Variants in ABCD3 observed in about 807,000 individuals in gnomAD.
The protein encoded by ABCD3 is ATP binding cassette subfamily D member 3.
A neutral mutation model predicts 105.5 loss-of-function variants in ABCD3; 41 were observed. That is an observed-to-expected ratio of 0.39 (90% CI 0.30 to 0.50). The LOEUF (loss-of-function observed/expected upper bound fraction) is 0.50. Ranked by LOEUF, ABCD3 falls within the 20% of genes least tolerant of loss-of-function variation. ABCD3 has a pLI of 0.84. For missense variants in ABCD3, 622 were observed against 806.3 expected, an observed-to-expected ratio of 0.77 and a Z score of 2.77; for synonymous variants, 258 against 269.0, an observed-to-expected ratio of 0.96 and a Z score of 0.40.
intron 2 of ABCD3, among the ~76,000 whole-genome samples, chr1:94,462,919 CTT>C (rs1647949043): frequency 6.6e-6 from 1 of 152,112 alleles, no homozygotes; most frequent in African/African-American, 2.4e-5. Flanking sequence ...TTTCTTTACT[CTT>C]TTCTTCCTAT....
At chr1:94,404,152 T>C in the ABCD3 span, among the ~76,000 whole-genome samples, 7 of 152,202 alleles carry the variant, frequency 4.6e-5, no homozygotes. Context: ...TCCTACTCCA[T>C]AATTTTTTTG....
the ABCD3 span, among the ~76,000 whole-genome samples, chr1:94,402,149 A>G: frequency 6.6e-6 from 1 of 152,136 alleles, no homozygotes; most frequent in Non-Finnish European, 1.5e-5. Flanking sequence ...TTGAAGAGTA[A>G]TGTTTCATTG....
chr1:94,451,561 A>G (rs1419261834), intron 1 of ABCD3, among the ~76,000 whole-genome samples: 2 of 152,216 alleles, frequency 1.3e-5, no homozygotes, highest in East Asian at 1.9e-4. Flanking sequence ...AAGGATTTAT[A>G]TCACTGTATT....
chr1:94,393,572 G>A, the ABCD3 span, among the ~76,000 whole-genome samples: 107 of 152,188 alleles, frequency 7.0e-4, no homozygotes, highest in African/African-American at 2.5e-3. Flanking sequence ...CTGGGAGGAG[G>A]AGGTTGCAGT....
the ABCD3 span, among the ~76,000 whole-genome samples, chr1:94,401,798 G>C: frequency 2.0e-5 from 3 of 152,196 alleles, no homozygotes; most frequent in African/African-American, 7.2e-5. Context: ...TTCATTCATT[G>C]ATTCATTTCT....
intron 21 of ABCD3, among the ~76,000 whole-genome samples, chr1:94,507,163 C>T (rs959241864): frequency 4.6e-5 from 7 of 151,984 alleles, no homozygotes; most frequent in Admixed American, 3.3e-4. Flanking sequence ...ACAACAGTCC[C>T]CAGAGTGTGA....
chr1:94,388,888 T>C, the ABCD3 span, among the ~76,000 whole-genome samples: 1 of 152,188 alleles, frequency 6.6e-6, no homozygotes, highest in Admixed American at 6.5e-5. Context: ...TGGACAACTG[T>C]TGCTCAATCC....
chr1:94,506,447 A>G, intron 20 of ABCD3, 91 bp from the exon 21 acceptor site: 1 of 752,054 alleles, frequency 1.3e-6, no homozygotes, highest in Non-Finnish European at 2.4e-6. Flanking sequence ...GATTTACAAG[A>G]CTACAAATGC....
intron 1 of ABCD3, among the ~76,000 whole-genome samples, chr1:94,431,038 A>G (rs1387375263): frequency 6.6e-6 from 1 of 152,202 alleles, no homozygotes; most frequent in Non-Finnish European, 1.5e-5. Flanking sequence ...GCAACTTACA[A>G]TGATGGCATT....
chr1:94,517,243 AGC>A lies in ABCD3; in HGVS notation c.*115_*116del. ...TAGTTTTTTTTAAAAAAAAAAACAA[AGC>A]AACAAATTAACTAGATACAGAATAA... On this transcript the variant is annotated 3_prime_UTR_variant, in exon 23 of 23. Coordinates refer to ENST00000370214, the MANE Select transcript of ABCD3 (RefSeq NM_002858.4). The A allele has an allele frequency of 2.5e-6, 2 of 806,584 alleles. No homozygotes were observed. The highest frequency in any genetic ancestry group is 4.2e-6 in the Non-Finnish European group (2 of 477,138). The allele number at this position is 806,584 out of a possible 1,614,324, so 50.0% of individuals were successfully genotyped here.
intron 1 of ABCD3, among the ~76,000 whole-genome samples, chr1:94,456,055 T>G (rs1385022598): frequency 2.0e-5 from 3 of 152,072 alleles, no homozygotes; most frequent in Non-Finnish European, 2.9e-5. Context: ...GACTGAACTT[T>G]GTACCTTTTG....
chr1:94,417,670 G>A (rs1659074334), upstream of ABCD3, among the ~76,000 whole-genome samples: 1 of 152,212 alleles, frequency 6.6e-6, no homozygotes, highest in Non-Finnish European at 1.5e-5. Context: ...CGCCGCTGGC[G>A]ATACATACGT....
chr1:94,446,030 T>C (rs1486512854), intron 1 of ABCD3, among the ~76,000 whole-genome samples: 2 of 152,072 alleles, frequency 1.3e-5, no homozygotes, highest in Non-Finnish European at 2.9e-5. Context: ...GTGGGAAGCA[T>C]GGTCATACTA....
the ABCD3 span, among the ~76,000 whole-genome samples, chr1:94,396,955 T>C: frequency 1.3e-5 from 2 of 152,354 alleles, no homozygotes; most frequent in Admixed American, 1.3e-4. Context: ...AAAAAAAGTG[T>C]ATATTCACCT....
intron 1 of ABCD3, among the ~76,000 whole-genome samples, chr1:94,431,700 A>G (rs1047948417): frequency 2.6e-5 from 4 of 152,146 alleles, no homozygotes; most frequent in Admixed American, 1.3e-4. Context: ...AGCTGGGACT[A>G]TAGGTGTGCA....
intron 13 of ABCD3, among the ~76,000 whole-genome samples, chr1:94,488,958 A>G (rs1327659589): frequency 1.3e-5 from 2 of 151,532 alleles, no homozygotes; most frequent in Non-Finnish European, 2.9e-5. Context: ...GAAACTGTTC[A>G]TATTTAGTGT....
In ABCD3 at chr1:94,464,792, G is replaced by A; in HGVS notation, c.165G>A (p.Glu55=). The A allele has an allele frequency of 6.2e-7, 1 of 1,613,682 alleles. No homozygotes were observed. The highest frequency in any genetic ancestry group is 8.5e-7 in the Non-Finnish European group (1 of 1,179,858). ...TAATGCAGAAAGAGGGGAAAAAGGAGCGAGCTGTGGTGGACAAGGTGTTTT... is the reference window on the plus strand; with the variant it reads ...TAATGCAGAAAGAGGGGAAAAAGGAACGAGCTGTGGTGGACAAGGTGTTTT... ...LQNNEKEGKK[E]RAVVDKVFFS... Residue 55 remains glutamate (E), a synonymous_variant, in exon 3 of 23, where the codon GAG becomes GAA. Coordinates refer to ENST00000370214, the MANE Select transcript of ABCD3 (RefSeq NM_002858.4).
chr1:94,491,169 A>G lies in ABCD3; in HGVS notation c.1323-15A>G. ...TACTTTAAAGTAATTCTCTTTTTAA[A>G]AATTTCCTCTATAGGTTTGATCATG... is the stretch of plus-strand genomic sequence containing the variant. On this transcript the variant is annotated splice_polypyrimidine_tract_variant and intron_variant, in intron 15 of 22. Transcript: ENST00000370214. 1.3e-6 allele frequency: 2 copies of G among 1,596,060 alleles called. No homozygotes were observed. Among genetic ancestry groups the G allele is most frequent in the Non-Finnish European group, 1.7e-6 (2 of 1,164,776 alleles).
intron 21 of ABCD3, chr1:94,514,271 A>G (rs1650824581): frequency 6.6e-6 from 1 of 152,008 alleles, no homozygotes; most frequent in African/African-American, 2.4e-5. Context: ...GAGGATGTTT[A>G]GAAAGCATCC....
Sources: gnomAD v4.1 joint callset for allele counts (sites outside exome capture counted in the v4.1 genomes callset) on GRCh38, gnomAD v4.1.1 for gene constraint, MANE v1.5 for transcripts, NCBI Gene and HGNC (gene_info 2026-07-23, HGNC 2026-07-21) for gene names.